Variants in LDB3 observed in about 807,000 individuals in gnomAD.
The protein encoded by LDB3 is LIM domain-binding protein 3.
A neutral mutation model predicts 69.0 loss-of-function variants in LDB3; 49 were observed. The ratio of observed to expected loss-of-function variants is 0.71; its 90% confidence interval spans 0.56 to 0.90. LDB3 has a LOEUF of 0.90. Ranked by LOEUF, LDB3 falls within the 40% of genes least tolerant of loss-of-function variation. The probability of loss-of-function intolerance (pLI) is 0.00; values close to 1 mark genes in which losing one functional copy is unlikely to be tolerated. For synonymous variants in LDB3, 387 were observed against 396.2 expected, an observed-to-expected ratio of 0.98 and a Z score of 0.28; for missense variants, 928 against 974.1, an observed-to-expected ratio of 0.95 and a Z score of 0.63.
Position 86,706,667 on chromosome 10 carries a change from A to C in LDB3, c.1033A>C (p.Ile345Leu), listed in dbSNP as rs1371761053. Residue 345 changes from isoleucine (I) to leucine (L), a missense_variant, in exon 8 of 14, where the codon ATC (isoleucine) becomes CTC (leucine). Transcript: ENST00000361373. ...GGCCACAGCTGCTGCCCACACTGCC[A>C]TCGCCTCCGCCTCCACCACAGCCCC... ...PLATAAAHTA[I>L]ASASTTAPAS... 1 of 1,612,812 alleles carries C rather than the reference A, an allele frequency of 6.2e-7. No homozygotes were observed. The highest frequency in any genetic ancestry group is 1.3e-5 in the African/African-American group (1 of 74,912).
Position 86,718,837 on chromosome 10 carries a change from C to A in LDB3, c.1968C>A (p.Tyr656Ter), listed in dbSNP as rs2132487443. Reference protein sequence around the residue: ...SLFHMEDGEPYCEKDYINLFS... With the variant: ...SLFHMEDGEP ...TCCACATGGAAGACGGGGAGCCCTA[C>A]TGCGAGAAAGGTAGGAACACTTCGA... The change falls in exon 12 of 14, where the codon TAC becomes TAA. Residue 656 changes from tyrosine to a stop codon, truncating the protein, a stop_gained. Transcript: ENST00000361373. LOFTEE classifies it high-confidence loss of function. 2 of 1,614,128 alleles carry A rather than the reference C, an allele frequency of 1.2e-6. No individual in the cohort carries two copies. The highest frequency in any genetic ancestry group is 3.3e-5 in the Admixed American group (2 of 60,022).
Position 86,729,137 on chromosome 10 carries a change from C to A in LDB3, c.2094+2885C>A, listed in dbSNP as rs568991150. ...AGACTAACTCAGTTTACCAAATATT[C>A]CTGGCATTTGGGCAGTACAAGAGTG... is the stretch of plus-strand genomic sequence containing the variant. On this transcript the variant is annotated intron_variant, in intron 13 of 13. Coordinates refer to ENST00000361373, the MANE Select transcript of LDB3 (RefSeq NM_007078.3). Among the ~76,000 whole-genome samples, 91 of 152,264 alleles carry A rather than the reference C, an allele frequency of 6.0e-4. 1 individual carries two copies. Among genetic ancestry groups the A allele is most frequent in the Non-Finnish European group, 1.2e-3 (80 of 68,020 alleles).
At chr10:86,718,166 C>A (rs971386268) in intron 11 of LDB3, 22 bp downstream of exon 11, 1 of 1,608,888 alleles carries the variant, frequency 6.2e-7, no homozygotes, top group Middle Eastern at 1.7e-4. Flanking sequence ...GCCTCCATTT[C>A]CTCTGACCCA....
rs1212304845 is a variant in LDB3, at chr10:86,699,726, C to T, written c.897-6805C>T. 5 of 1,142,180 alleles carry T rather than the reference C, an allele frequency of 4.4e-6. No homozygotes were observed. The highest frequency in any genetic ancestry group is 1.6e-5 in the African/African-American group (1 of 62,668). 70.8% of individuals were successfully genotyped at this position (1,142,180 alleles called of 1,614,324 possible). ...CCAGAACCAAGGGAAATGGATGGGC[C>T]GCTGCTCAGTTTCCCACCATCCTCA... On this transcript the variant is annotated intron_variant, in intron 7 of 13. Coordinates refer to ENST00000361373, the MANE Select transcript of LDB3 (RefSeq NM_007078.3). This position sits in a 1 kb window ranked among gnomAD's most constrained non-coding sequence, Gnocchi z 4.9.
At chr10:86,691,840 G>A in intron 5 of LDB3, 56 bp from the exon 6 acceptor site, 1 of 1,597,610 alleles carries the variant, frequency 6.3e-7, no homozygotes, top group African/African-American at 1.3e-5. Flanking sequence ...GGACCCAGCA[G>A]GGTGGGAACT....
At chr10:86,670,700 T>G (rs2354363) in intron 2 of LDB3, among the ~76,000 whole-genome samples, 87,672 of 152,108 alleles carry the variant, frequency 0.58, 25,784 homozygotes, top group East Asian at 0.77. Flanking sequence ...CCAATGACTG[T>G]GGGGACTTCT....
rs1013013799 is a variant in LDB3 at position 86,699,861 on chromosome 10, C to G, written c.897-6670C>G. 3.9e-6 allele frequency: 4 copies of G among 1,025,234 alleles called. No individual in the cohort carries two copies. The highest frequency in any genetic ancestry group is 3.5e-6 in the Non-Finnish European group (3 of 853,682). 63.5% of individuals were successfully genotyped at this position (1,025,234 alleles called of 1,614,324 possible). A position where few individuals can be genotyped will look rare whatever the true frequency, so the allele number is the denominator to read the frequency against. ...CCTCGCTGCCCTCTGGAGCTCAGGG[C>G]AGCCCGGAATAGGGCTCTTTGAAGA... On this transcript the variant is annotated intron_variant, in intron 7 of 13. Transcript: ENST00000361373. The surrounding 1 kb of genome is among the most constrained non-coding windows in gnomAD (Gnocchi z 4.9).
intron 9 of LDB3, among the ~76,000 whole-genome samples, chr10:86,713,732 G>A (rs1846758140): frequency 6.6e-6 from 1 of 152,166 alleles, no homozygotes; most frequent in African/African-American, 2.4e-5. Flanking sequence ...GATATTCTCT[G>A]CAAAGTTGTT....
chr10:86,701,932 G>A (rs1846275460), intron 7 of LDB3, among the ~76,000 whole-genome samples: 1 of 152,168 alleles, frequency 6.6e-6, no homozygotes, highest in African/African-American at 2.4e-5. Context: ...AACTAGCAAA[G>A]GCTGTAGGGT....
intron 5 of LDB3, among the ~76,000 whole-genome samples, chr10:86,686,900 C>A (rs1845506207): frequency 6.6e-6 from 1 of 152,146 alleles, no homozygotes; most frequent in Non-Finnish European, 1.5e-5. Flanking sequence ...ACCCAGACCA[C>A]CCACCATCTG....
intron 4 of LDB3, among the ~76,000 whole-genome samples, chr10:86,680,919 G>A (rs974434548): frequency 2.6e-5 from 4 of 152,248 alleles, no homozygotes; most frequent in East Asian, 1.9e-4. Context: ...GGAAGTGGGT[G>A]GAGGGCTGCT....
chr10:86,716,866 G>A (rs1846898828), intron 10 of LDB3, 95 bp downstream of exon 10: 4 of 1,353,208 alleles, frequency 3.0e-6, no homozygotes, highest in African/African-American at 2.9e-5. Flanking sequence ...AGAGATGGGG[G>A]TAGGAGGCAG....
intron 9 of LDB3, among the ~76,000 whole-genome samples, chr10:86,713,316 G>A (rs945886081): frequency 6.6e-6 from 1 of 151,832 alleles, no homozygotes; most frequent in African/African-American, 2.4e-5. Flanking sequence ...GCACGACTTC[G>A]ACTCACTGCA....
At chr10:86,690,064 T>TCAA (rs1845685719) in intron 5 of LDB3, among the ~76,000 whole-genome samples, 1 of 152,158 alleles carries the variant, frequency 6.6e-6, no homozygotes, top group Non-Finnish European at 1.5e-5. Flanking sequence ...AATGCTTTCT[T>TCAA]GAACCCTTGG....
rs1846973410 is a variant in LDB3 at position 86,718,848 on chromosome 10, G to C, written c.1978+1G>C. The stretch of plus-strand genomic sequence containing the variant: ...GACGGGGAGCCCTACTGCGAGAAAG[G>C]TAGGAACACTTCGATGGCATGTGGG... On this transcript the variant is annotated splice_donor_variant, in intron 12 of 13. Coordinates refer to ENST00000361373, the MANE Select transcript of LDB3 (RefSeq NM_007078.3). LOFTEE classifies it high-confidence loss of function. The C allele has an allele frequency of 6.2e-7, 1 of 1,613,922 alleles. No individual in the cohort carries two copies. Among genetic ancestry groups the C allele is most frequent in the Non-Finnish European group, 8.5e-7 (1 of 1,179,996 alleles).
At chr10:86,707,216 A>G (rs1275031234) in intron 8 of LDB3, among the ~76,000 whole-genome samples, 1 of 152,004 alleles carries the variant, frequency 6.6e-6, no homozygotes, top group Admixed American at 6.6e-5. Flanking sequence ...TTCCTCAGAG[A>G]GTTCAGCCAT....
At chr10:86,680,906 T>G (rs1845081509) in intron 4 of LDB3, among the ~76,000 whole-genome samples, 1 of 152,186 alleles carries the variant, frequency 6.6e-6, no homozygotes, top group African/African-American at 2.4e-5. Flanking sequence ...GGTCACAGAC[T>G]GGGGAAGTGG....
intron 5 of LDB3, among the ~76,000 whole-genome samples, chr10:86,687,734 T>A (rs1845564891): frequency 6.6e-6 from 1 of 152,198 alleles, no homozygotes; most frequent in African/African-American, 2.4e-5. Context: ...CGACCAACCA[T>A]CCACACTACT....
chr10:86,716,294 C>A, intron 9 of LDB3, 33 bp from the exon 10 acceptor site: 1 of 1,610,002 alleles, frequency 6.2e-7, no homozygotes, highest in South Asian at 1.1e-5. Flanking sequence ...ATTCCTGACA[C>A]ACCTTTCTTT....
Sources: gnomAD v4.1 joint callset for allele counts (sites outside exome capture counted in the v4.1 genomes callset) on GRCh38, gnomAD v4.1.1 for gene constraint, Gnocchi (gnomAD v3.1) non-coding constraint, MANE v1.5 for transcripts, NCBI Gene and HGNC (gene_info 2026-07-23, HGNC 2026-07-21) for gene names.